Variants in CDK19 observed in about 807,000 individuals in gnomAD.
CDK19 encodes cyclin dependent kinase 19.
Under a neutral mutation model 68.3 loss-of-function variants are expected in CDK19, and 20 were observed. The ratio of observed to expected loss-of-function variants is 0.29; its 90% CI spans 0.21 to 0.43. CDK19 has a LOEUF of 0.43. CDK19 is among the 20% of genes least tolerant of loss of function. CDK19 has a pLI of 1.00. For synonymous variants in CDK19, 221 were observed against 222.8 expected (o/e 0.99, Z 0.07); for missense variants, 339 against 623.5 (o/e 0.54, Z 4.86).
intron 5 of CDK19, among the ~76,000 whole-genome samples, chr6:110,636,096 C>T (rs1432891954): frequency 6.6e-6 from 1 of 152,076 alleles, no homozygotes; most frequent in Non-Finnish European, 1.5e-5. Context: ...GGCCAGAGTA[C>T]AGAATTTTGC....
chr6:110,814,334 C>A (rs1381026261), intron 1 of CDK19, among the ~76,000 whole-genome samples: 1 of 152,196 alleles, frequency 6.6e-6, no homozygotes, highest in African/African-American at 2.4e-5. Context: ...CGCAGCTAGC[C>A]CATCAGGTCT....
At chr6:110,655,883 A>G (rs938906008) in intron 4 of CDK19, among the ~76,000 whole-genome samples, 7 of 152,130 alleles carry the variant, frequency 4.6e-5, no homozygotes, top group African/African-American at 1.7e-4. Flanking sequence ...ACACTTCTAA[A>G]CAGGACAACT....
chr6:110,783,788 T>C (rs1387738536), intron 1 of CDK19, among the ~76,000 whole-genome samples: 1 of 151,994 alleles, frequency 6.6e-6, no homozygotes, highest in Non-Finnish European at 1.5e-5. Context: ...AAAAAAGAGA[T>C]GGATTGGACT....
At chr6:110,679,046 C>T (rs1771774291) in intron 2 of CDK19, among the ~76,000 whole-genome samples, 1 of 152,184 alleles carries the variant, frequency 6.6e-6, no homozygotes, top group African/African-American at 2.4e-5. Context: ...TAGTGGCTCA[C>T]ACTTGTAATT....
At position 110,622,168 on chromosome 6, in the gene CDK19, TAAAAATC is replaced by T. The variant is rs1243337758; in HGVS notation, c.1032-9_1032-3del. ...GGAATCTGGCAGCCGGCAAATACAC[TAAAAATC>T]ATTAAAAAGAAAAAACATATCATGA... On this transcript the variant is annotated splice_region_variant and splice_polypyrimidine_tract_variant and intron_variant, in intron 10 of 12. Transcript: ENST00000368911. 1.3e-6 allele frequency: 2 copies of T among 1,569,390 alleles called. No homozygotes were observed. The highest frequency in any genetic ancestry group is 1.7e-6 in the Non-Finnish European group (2 of 1,144,514).
At chr6:110,754,303 G>C (rs1305887018) in intron 1 of CDK19, among the ~76,000 whole-genome samples, 1 of 152,010 alleles carries the variant, frequency 6.6e-6, no homozygotes, top group East Asian at 1.9e-4. Flanking sequence ...AAAGTGTTGG[G>C]ATTACAGGCC....
At chr6:110,648,171 A>T (rs1780728779) in intron 4 of CDK19, among the ~76,000 whole-genome samples, 1 of 152,224 alleles carries the variant, frequency 6.6e-6, no homozygotes, top group Admixed American at 6.5e-5. Context: ...GCCTACTATC[A>T]CCACTTATAA....
At chr6:110,671,693 A>G (rs145002459) in intron 2 of CDK19, among the ~76,000 whole-genome samples, 1 of 152,338 alleles carries the variant, frequency 6.6e-6, no homozygotes, top group Non-Finnish European at 1.5e-5. Flanking sequence ...CATGTCTTCA[A>G]TTCCCACAAT....
chr6:110,756,118 C>A (rs536353377), intron 1 of CDK19, among the ~76,000 whole-genome samples: 29 of 151,720 alleles, frequency 1.9e-4, no homozygotes, highest in Non-Finnish European at 4.1e-4. Context: ...ATTAGCTAGG[C>A]GTGGCACACA....
intron 1 of CDK19, among the ~76,000 whole-genome samples, chr6:110,795,718 T>C (rs1201312893): frequency 1.3e-5 from 2 of 152,158 alleles, no homozygotes; most frequent in Non-Finnish European, 2.9e-5. Context: ...CAACAACAGC[T>C]ATTAGTATTA....
chr6:110,804,807 T>C (rs1782566446), intron 1 of CDK19, among the ~76,000 whole-genome samples: 1 of 150,912 alleles, frequency 6.6e-6, no homozygotes, highest in Non-Finnish European at 1.5e-5. Flanking sequence ...TACAAAAAAA[T>C]TAGCCGGGCG....
intron 1 of CDK19, among the ~76,000 whole-genome samples, chr6:110,792,059 C>T (rs771809514): frequency 6.6e-6 from 1 of 151,576 alleles, no homozygotes; most frequent in Non-Finnish European, 1.5e-5. Flanking sequence ...CAACCTCTGC[C>T]TCCCGGGTTC....
chr6:110,617,666 C>T (rs200977104), intron 12 of CDK19, among the ~76,000 whole-genome samples: 611 of 59,198 alleles, frequency 0.01, 1 homozygote, highest in East Asian at 0.041. Flanking sequence ...TATATATACA[C>T]ACACACACAC....
At chr6:110,697,272 T>C (rs1424654208) in intron 2 of CDK19, among the ~76,000 whole-genome samples, 1 of 151,424 alleles carries the variant, frequency 6.6e-6, no homozygotes, top group Non-Finnish European at 1.5e-5. Context: ...AATAAAAAAA[T>C]AAATTCAATA....
chr6:110,629,380 T>A (rs900177851), intron 6 of CDK19, among the ~76,000 whole-genome samples: 1 of 152,122 alleles, frequency 6.6e-6, no homozygotes, highest in Non-Finnish European at 1.5e-5. Context: ...ACACTGCTTG[T>A]CACCATCACT....
At chr6:110,789,426 G>A (rs1366323813) in intron 1 of CDK19, among the ~76,000 whole-genome samples, 1 of 152,076 alleles carries the variant, frequency 6.6e-6, no homozygotes, top group African/African-American at 2.4e-5. Context: ...CTACAGGCAT[G>A]CACCACCACG....
rs57791161 is a variant in CDK19 at position 110,666,424 on chromosome 6, CAAAAAAAAA to C, written c.456+1001_456+1009del. On this transcript the variant is annotated intron_variant, in intron 4 of 12. Transcript: ENST00000368911. ...TGGGCGACAGAGAGAGACTCTGTCT[CAAAAAAAAA>C]AAAAAAAAAAAAAAAAAAAAATTAT... Among the ~76,000 whole-genome samples, 45 of 47,926 alleles carry C rather than the reference CAAAAAAAAA, an allele frequency of 9.4e-4. 1 individual carries two copies. The highest frequency in any genetic ancestry group is 0.017 in the Middle Eastern group (1 of 58). The allele number at this position is 47,926 out of a possible 152,430, so 31.4% of individuals were successfully genotyped here.
chr6:110,712,507 T>C (rs1047090180), intron 2 of CDK19, among the ~76,000 whole-genome samples: 12 of 152,240 alleles, frequency 7.9e-5, no homozygotes, highest in African/African-American at 2.9e-4. Flanking sequence ...CTAACTGCTA[T>C]GGACAATTTC....
At chr6:110,686,079 GA>G (rs975239055) in intron 2 of CDK19, among the ~76,000 whole-genome samples, 4 of 151,690 alleles carry the variant, frequency 2.6e-5, no homozygotes, top group Non-Finnish European at 4.4e-5. Context: ...ATAGCAATGG[GA>G]AAAAAAAGTC....
Sources: gnomAD v4.1 joint callset for allele counts (sites outside exome capture counted in the v4.1 genomes callset) on GRCh38, gnomAD v4.1.1 for gene constraint, MANE v1.5 for transcripts, NCBI Gene and HGNC (gene_info 2026-07-23, HGNC 2026-07-21) for gene names.